Variants in APP observed in about 807,000 individuals in gnomAD.
The protein encoded by APP is amyloid beta precursor protein.
A neutral mutation model predicts 101.4 loss-of-function variants in APP; 31 were observed. The observed-to-expected ratio is 0.31, with a 90% CI of 0.23 to 0.41. The LOEUF (loss-of-function observed/expected upper bound fraction) is 0.41. APP is among the 10% of genes least tolerant of loss of function. The probability of loss-of-function intolerance (pLI) is 1.00; values close to 1 mark genes in which losing one functional copy is unlikely to be tolerated. For missense variants in APP, 839 were observed against 1,003.7 expected (o/e 0.84, Z 2.22); for synonymous variants, 366 against 364.4 (o/e 1.00, Z -0.05).
At chr21:26,114,532 C>G (rs971563072) in intron 1 of APP, among the ~76,000 whole-genome samples, 1 of 152,144 alleles carries the variant, frequency 6.6e-6, no homozygotes, top group Non-Finnish European at 1.5e-5. Flanking sequence ...ACATCCAAAA[C>G]AAGGTCATGA....
At chr21:25,970,468 C>A (rs2146551343) in intron 11 of APP, among the ~76,000 whole-genome samples, 1 of 152,260 alleles carries the variant, frequency 6.6e-6, no homozygotes, top group South Asian at 2.1e-4. Flanking sequence ...CACCCACCAG[C>A]CTATCCTTCT....
intron 6 of APP, among the ~76,000 whole-genome samples, chr21:26,020,597 G>C (rs2146773529): frequency 6.6e-6 from 1 of 152,254 alleles, no homozygotes; most frequent in South Asian, 2.1e-4. Flanking sequence ...GCCACTTTTT[G>C]TAAATGCTGT....
chr21:25,911,319 A>C (rs1367152132), intron 14 of APP, among the ~76,000 whole-genome samples: 1 of 152,234 alleles, frequency 6.6e-6, no homozygotes, highest in Admixed American at 6.5e-5. Flanking sequence ...CTGCCTCTTC[A>C]ATAATACACT....
chr21:26,112,419 A>G (rs1160378483), intron 1 of APP, among the ~76,000 whole-genome samples: 1 of 152,234 alleles, frequency 6.6e-6, no homozygotes, highest in South Asian at 2.1e-4. Flanking sequence ...ACGTTTTCCC[A>G]TATGAGATTT....
chr21:25,954,731 G>A, intron 12 of APP, 42 bp from the exon 13 acceptor site: 2 of 1,493,950 alleles, frequency 1.3e-6, no homozygotes, highest in Non-Finnish European at 1.9e-6. Flanking sequence ...AATGTCTGGG[G>A]GTAGGAATGG....
intron 13 of APP, among the ~76,000 whole-genome samples, chr21:25,946,666 CAAAAATAAAAATAAAAAT>C (rs71183535): frequency 4.7e-5 from 7 of 149,320 alleles, no homozygotes; most frequent in African/African-American, 7.5e-5. Flanking sequence ...ACTCTGTCTC[CAAAAATAAAAATAAAAAT>C]AAAAATAAAA....
chr21:25,902,573 TG>T (rs1386692117), intron 15 of APP, among the ~76,000 whole-genome samples: 1 of 146,444 alleles, frequency 6.8e-6, no homozygotes, highest in Non-Finnish European at 1.5e-5. Flanking sequence ...AAAGGAAGCT[TG>T]GCTTAGGCCA....
chr21:25,907,261 G>T (rs2038841155), intron 14 of APP, among the ~76,000 whole-genome samples: 1 of 152,004 alleles, frequency 6.6e-6, no homozygotes, highest in Admixed American at 6.6e-5. Flanking sequence ...ACCCTAATCT[G>T]CTTTAAAAGA....
intron 16 of APP, 144 bp from the exon 17 acceptor site, chr21:25,892,012 C>A: frequency 4.1e-6 from 3 of 731,318 alleles, no homozygotes; most frequent in Admixed American, 2.7e-5. Context: ...ATATTCTCTG[C>A]CCAACTGGTT....
chr21:26,056,426 A>G (rs2046043826), intron 3 of APP, among the ~76,000 whole-genome samples: 1 of 152,212 alleles, frequency 6.6e-6, no homozygotes, highest in South Asian at 2.1e-4. Flanking sequence ...TTAGGAGTTC[A>G]TTAGCTAAGG....
intron 1 of APP, among the ~76,000 whole-genome samples, chr21:26,130,697 A>G (rs1484825092): frequency 6.6e-6 from 1 of 152,252 alleles, no homozygotes; most frequent in Non-Finnish European, 1.5e-5. Context: ...CGCTAAGGGC[A>G]AATTCCTGTT....
intron 1 of APP, among the ~76,000 whole-genome samples, chr21:26,119,629 G>C (rs916882512): frequency 6.6e-6 from 1 of 152,062 alleles, no homozygotes; most frequent in Admixed American, 6.5e-5. Flanking sequence ...ATATACACAT[G>C]TATATATACC....
At chr21:26,026,819 G>A (rs551883701) in intron 5 of APP, among the ~76,000 whole-genome samples, 2 of 152,200 alleles carry the variant, frequency 1.3e-5, no homozygotes, top group Non-Finnish European at 2.9e-5. Flanking sequence ...AAACAATGCT[G>A]AGAGAATGCT....
intron 11 of APP, among the ~76,000 whole-genome samples, chr21:25,972,641 A>G (rs924295305): frequency 0.041 from 8 of 196 alleles, no homozygotes; most frequent in Admixed American, 0.083. Flanking sequence ...GGTTCAAGTG[A>G]TCTCCTATCT....
intron 13 of APP, among the ~76,000 whole-genome samples, chr21:25,918,042 G>A (rs1164016323): frequency 1.3e-5 from 2 of 152,186 alleles, no homozygotes; most frequent in East Asian, 3.9e-4. Flanking sequence ...ACAGATGCTG[G>A]CGAGGATGCG....
chr21:26,159,556 G>A (rs1021280937), intron 1 of APP, among the ~76,000 whole-genome samples: 17 of 152,136 alleles, frequency 1.1e-4, no homozygotes, highest in Non-Finnish European at 2.2e-4. Flanking sequence ...GAAGAATCAC[G>A]GGCTTAGGCT....
intron 16 of APP, among the ~76,000 whole-genome samples, chr21:25,893,324 G>A (rs1260288368): frequency 6.6e-6 from 1 of 152,196 alleles, no homozygotes; most frequent in Non-Finnish European, 1.5e-5. Flanking sequence ...GGCCTCTTAA[G>A]TATTCAAGTG....
chr21:26,111,828 C>A lies in APP; in HGVS notation c.225+151G>T. ...TTTATATGTATATCATAGGGTAATG[C>A]AAATAAATATATTAATGGTATGGTG... On this transcript the variant is annotated intron_variant, in intron 2 of 17. Transcript: ENST00000346798. The A allele has an allele frequency of 6.2e-6, 5 of 800,378 alleles. 1 individual carries two copies. The highest frequency in any genetic ancestry group is 1.1e-5 in the Non-Finnish European group (5 of 460,084). The allele number at this position is 800,378 out of a possible 1,614,324, so 49.6% of individuals were successfully genotyped here. A position where few individuals can be genotyped will look rare whatever the true frequency, so the allele number is the denominator to read the frequency against.
intron 13 of APP, among the ~76,000 whole-genome samples, chr21:25,922,985 C>T (rs1354778393): frequency 6.8e-6 from 1 of 147,416 alleles, no homozygotes; most frequent in Non-Finnish European, 1.5e-5. Context: ...AACTATACTA[C>T]AAGGCTACAG....
Sources: allele counts gnomAD v4.1 joint callset (sites outside exome capture counted in the v4.1 genomes callset), GRCh38; gene constraint gnomAD v4.1.1; transcripts MANE v1.5; gene names NCBI Gene and HGNC (gene_info 2026-07-23, HGNC 2026-07-21).